RASGRP1: variants seen among roughly 807,000 people sequenced by gnomAD.
The protein encoded by RASGRP1 is RAS guanyl-releasing protein 1.
In RASGRP1, 37 loss-of-function variants were observed where a neutral mutation model predicts 95.1. That is an observed-to-expected ratio of 0.39 (90% confidence interval 0.30 to 0.51). RASGRP1 has a LOEUF of 0.51. Ranked by LOEUF, RASGRP1 falls within the 20% of genes least tolerant of loss-of-function variation. RASGRP1 has a pLI of 0.80. For synonymous variants in RASGRP1, 325 were observed against 353.4 expected, an observed-to-expected ratio of 0.92 and a Z score of 0.90; for missense variants, 711 against 965.4, an observed-to-expected ratio of 0.74 and a Z score of 3.49.
intron 5 of RASGRP1, among the ~76,000 whole-genome samples, chr15:38,516,682 T>C (rs1891802176): frequency 6.6e-6 from 1 of 151,840 alleles, no homozygotes. Flanking sequence ...TATCATCTGG[T>C]ATGTCTGCTC....
intron 8 of RASGRP1, among the ~76,000 whole-genome samples, chr15:38,508,488 G>A (rs1891357056): frequency 6.6e-6 from 1 of 152,196 alleles, no homozygotes. Flanking sequence ...GGAAGAGCAT[G>A]TATTTTAAGA....
intron 15 of RASGRP1, among the ~76,000 whole-genome samples, chr15:38,495,662 G>A (rs1427703281): frequency 6.6e-6 from 1 of 152,136 alleles, no homozygotes; most frequent in Non-Finnish European, 1.5e-5. Context: ...TCTTGCCAAA[G>A]AGAACATAAT....
chr15:38,529,713 A>G (rs1390727447), intron 2 of RASGRP1, among the ~76,000 whole-genome samples: 3 of 152,236 alleles, frequency 2.0e-5, no homozygotes, highest in Non-Finnish European at 2.9e-5. Context: ...AATGGTACTG[A>G]CACATGATTC....
At chr15:38,493,179 C>CT (rs71418810) in intron 16 of RASGRP1, among the ~76,000 whole-genome samples, 5,191 of 104,506 alleles carry the variant, frequency 0.05, 292 homozygotes, top group African/African-American at 0.11. Flanking sequence ...CACGCCGGGC[C>CT]TTTTTTTTTT....
At chr15:38,553,503 C>T (rs1893420019) in intron 2 of RASGRP1, among the ~76,000 whole-genome samples, 1 of 152,176 alleles carries the variant, frequency 6.6e-6, no homozygotes, top group South Asian at 2.1e-4. Context: ...CCCAGTTCCT[C>T]CCCAGCTAAG....
rs1184469704 is a variant in RASGRP1 at position 38,564,656 on chromosome 15, C to T, written c.-28G>A. 5 of 1,293,246 alleles carry T rather than the reference C, an allele frequency of 3.9e-6. No individual in the cohort carries two copies. Among genetic ancestry groups the T allele is most frequent in the Non-Finnish European group, 4.9e-6 (5 of 1,017,078 alleles). 80.1% of individuals were successfully genotyped at this position (1,293,246 alleles called of 1,614,324 possible). On this transcript the variant is annotated 5_prime_UTR_variant, in exon 1 of 17. Coordinates refer to ENST00000310803, the MANE Select transcript of RASGRP1 (RefSeq NM_005739.4). ...CCGCGGCCCGCGCTCCCGGTGCCGGCTCACCTAGCGCGGCCGGGCGCGGCG... is the reference window on the plus strand; with the variant it reads ...CCGCGGCCCGCGCTCCCGGTGCCGGTTCACCTAGCGCGGCCGGGCGCGGCG...
chr15:38,525,535 G>A (rs930282757), intron 3 of RASGRP1, among the ~76,000 whole-genome samples: 1 of 152,178 alleles, frequency 6.6e-6, no homozygotes, highest in East Asian at 1.9e-4. Flanking sequence ...CTCATGAGTA[G>A]GTATAGAGAA....
rs1467255613 is a variant in RASGRP1 at position 38,500,277 on chromosome 15, G to A, written c.1684-138C>T. On this transcript the variant is annotated intron_variant, in intron 13 of 16. Transcript: ENST00000310803. ...AAACCTCATTTATCTCTCATGTCTTGTCCCTTCTGACCTTAAATCCATGAG... is the reference window on the plus strand; with the variant it reads ...AAACCTCATTTATCTCTCATGTCTTATCCCTTCTGACCTTAAATCCATGAG... 3 of 801,638 alleles carry A rather than the reference G, an allele frequency of 3.7e-6. No individual in the cohort carries two copies. The African/African-American group carries it at 5.1e-5, about 14-fold the overall frequency. The allele number at this position is 801,638 out of a possible 1,614,324, so 49.7% of individuals were successfully genotyped here. A position where few individuals can be genotyped will look rare whatever the true frequency, so the allele number is the denominator to read the frequency against.
chr15:38,519,422 AC>A (rs1891914010), intron 3 of RASGRP1, 51 bp from the exon 4 acceptor site: 10 of 1,321,866 alleles, frequency 7.6e-6, no homozygotes, highest in Middle Eastern at 1.9e-4. Flanking sequence ...AAACCAAACG[AC>A]TTTTCATCTT....
intron 6 of RASGRP1, among the ~76,000 whole-genome samples, chr15:38,515,187 G>C (rs1363871900): frequency 6.6e-6 from 1 of 152,188 alleles, no homozygotes; most frequent in East Asian, 1.9e-4. Context: ...CTGAGTGACT[G>C]AGAGAGGCAT....
At chr15:38,555,415 G>A (rs1893513619) in intron 2 of RASGRP1, among the ~76,000 whole-genome samples, 2 of 152,182 alleles carry the variant, frequency 1.3e-5, no homozygotes, top group Non-Finnish European at 2.9e-5. Flanking sequence ...TAACTGGGGA[G>A]ACACCAGGAT....
At chr15:38,513,583 T>C (rs1891633468) in intron 6 of RASGRP1, among the ~76,000 whole-genome samples, 1 of 152,192 alleles carries the variant, frequency 6.6e-6, no homozygotes, top group Non-Finnish European at 1.5e-5. Flanking sequence ...ATGGAGTACT[T>C]AAAATTTGGT....
Position 38,564,652 on chromosome 15 carries a change from C to T in RASGRP1, c.-24G>A. On this transcript the variant is annotated 5_prime_UTR_variant, in exon 1 of 17. Coordinates refer to ENST00000310803, the MANE Select transcript of RASGRP1 (RefSeq NM_005739.4). ...ATGGCCGCGGCCCGCGCTCCCGGTGCCGGCTCACCTAGCGCGGCCGGGCGC... is the reference window on the plus strand; with the variant it reads ...ATGGCCGCGGCCCGCGCTCCCGGTGTCGGCTCACCTAGCGCGGCCGGGCGC... The T allele has an allele frequency of 2.3e-6, 3 of 1,305,624 alleles. No individual in the cohort carries two copies. In the South Asian group the frequency reaches 7.3e-5, roughly 32 times the overall value. The allele number at this position is 1,305,624 out of a possible 1,614,324, so 80.9% of individuals were successfully genotyped here.
intron 10 of RASGRP1, 82 bp downstream of exon 10, chr15:38,505,758 G>T (rs1891230858): frequency 9.0e-7 from 1 of 1,112,702 alleles, no homozygotes; most frequent in Non-Finnish European, 1.3e-6. Flanking sequence ...TGAACTGAAA[G>T]TCTGTTCCTG....
At chr15:38,547,867 G>A (rs537952340) in intron 2 of RASGRP1, among the ~76,000 whole-genome samples, 9 of 150,958 alleles carry the variant, frequency 6.0e-5, no homozygotes, top group Admixed American at 2.6e-4. Flanking sequence ...GCGCGCGCGC[G>A]TGTGTGTGTG....
intron 2 of RASGRP1, among the ~76,000 whole-genome samples, chr15:38,539,053 A>G (rs1892767664): frequency 6.6e-6 from 1 of 152,096 alleles, no homozygotes; most frequent in Non-Finnish European, 1.5e-5. Flanking sequence ...TATTATTTGC[A>G]TTATTTTATA....
intron 2 of RASGRP1, among the ~76,000 whole-genome samples, chr15:38,536,950 C>A (rs1408184511): frequency 6.6e-6 from 1 of 152,180 alleles, no homozygotes; most frequent in Non-Finnish European, 1.5e-5. Context: ...TGATTAAATA[C>A]ATAAAAATGC....
At chr15:38,498,548 T>G (rs1178704791) in intron 15 of RASGRP1, among the ~76,000 whole-genome samples, 1 of 151,690 alleles carries the variant, frequency 6.6e-6, no homozygotes, top group African/African-American at 2.4e-5. Context: ...TATCTGTGCT[T>G]GGTGTAGGTG....
chr15:38,552,220 T>C (rs1037705458), intron 2 of RASGRP1, among the ~76,000 whole-genome samples: 6 of 152,340 alleles, frequency 3.9e-5, no homozygotes, highest in African/African-American at 9.6e-5. Context: ...CTAAGGTCCA[T>C]TGTTCCTTTC....
Sources: gnomAD v4.1 joint callset for allele counts (sites outside exome capture counted in the v4.1 genomes callset) on GRCh38, gnomAD v4.1.1 for gene constraint, MANE v1.5 for transcripts, NCBI Gene and HGNC (gene_info 2026-07-23, HGNC 2026-07-21) for gene names.